Variants in PARVA observed in about 807,000 individuals in gnomAD.
PARVA encodes parvin alpha, also known as alpha-parvin.
Under a neutral mutation model 52.6 loss-of-function variants are expected in PARVA, and 25 were observed. The ratio of observed to expected loss-of-function variants is 0.48; its 90% CI spans 0.35 to 0.66. The LOEUF (loss-of-function observed/expected upper bound fraction) is 0.66, where lower values mean the gene tolerates loss of function less well. Ranked by LOEUF, PARVA falls within the 30% of genes least tolerant of loss-of-function variation. The pLI, the probability that PARVA is intolerant of heterozygous loss-of-function variation, is 0.01. For synonymous variants in PARVA, 185 were observed against 179.1 expected, an observed-to-expected ratio of 1.03 and a Z score of -0.26; for missense variants, 373 against 450.9, an observed-to-expected ratio of 0.83 and a Z score of 1.56.
chr11:12,433,446 AC>A (rs1241299475), intron 1 of PARVA, among the ~76,000 whole-genome samples: 2 of 152,054 alleles, frequency 1.3e-5, no homozygotes, highest in African/African-American at 4.8e-5. Context: ...GAAGGAAGCA[AC>A]CCCAGCACTT....
chr11:12,434,100 AG>A (rs1393173746), intron 1 of PARVA, among the ~76,000 whole-genome samples: 1 of 152,192 alleles, frequency 6.6e-6, no homozygotes. Context: ...CATAAATCCA[AG>A]GTTGGCCTTA....
At chr11:12,435,784 G>GTTT (rs146675862) in intron 1 of PARVA, among the ~76,000 whole-genome samples, 1,521 of 152,014 alleles carry the variant, frequency 0.01, 16 homozygotes, top group African/African-American at 0.027. Flanking sequence ...CTATATCTCT[G>GTTT]TTTTTTTGTT....
Position 12,394,780 on chromosome 11 carries a change from C to T in PARVA, c.136+16997C>T, listed in dbSNP as rs570988986. On this transcript the variant is annotated intron_variant, in intron 1 of 12. Coordinates refer to ENST00000334956, the MANE Select transcript of PARVA (RefSeq NM_018222.5). ...CACTCAAGTCCTGCAGTCAGCTCTACGGAATCCACCTATATGAAAAGGCCC... is the reference window on the plus strand; with the variant it reads ...CACTCAAGTCCTGCAGTCAGCTCTATGGAATCCACCTATATGAAAAGGCCC... Among the ~76,000 whole-genome samples the T allele has an allele frequency of 1.2e-3, 189 of 152,256 alleles. 1 individual carries two copies. Among genetic ancestry groups the T allele is most frequent in the African/African-American group, 4.0e-3 (165 of 41,530 alleles).
chr11:12,381,619 A>G lies in PARVA; in HGVS notation c.136+3836A>G, dbSNP rs1442718075. Among the ~76,000 whole-genome samples, 3 of 152,250 alleles carry G rather than the reference A, an allele frequency of 2.0e-5. 1 individual carries two copies. The highest frequency in any genetic ancestry group is 4.4e-5 in the Non-Finnish European group (3 of 68,040). The stretch of plus-strand genomic sequence containing the variant: ...CCACAAACTTAACTGCTAATAGCCT[A>G]CCGTTGACCAGAAGCCTTACTGATA... On this transcript the variant is annotated intron_variant, in intron 1 of 12. Coordinates refer to ENST00000334956, the MANE Select transcript of PARVA (RefSeq NM_018222.5).
At chr11:12,426,883 A>C (rs1940242835) in intron 1 of PARVA, among the ~76,000 whole-genome samples, 1 of 152,208 alleles carries the variant, frequency 6.6e-6, no homozygotes, top group Admixed American at 6.5e-5. Flanking sequence ...CAGGGGTTGC[A>C]GTGTGACTGG....
intron 3 of PARVA, among the ~76,000 whole-genome samples, chr11:12,475,692 T>C (rs1941002415): frequency 6.6e-6 from 1 of 152,122 alleles, no homozygotes; most frequent in Non-Finnish European, 1.5e-5. Flanking sequence ...GTCCCTTCTG[T>C]CTGCTGAAGG....
chr11:12,444,734 G>T (rs1051065739), intron 1 of PARVA, among the ~76,000 whole-genome samples: 7 of 152,168 alleles, frequency 4.6e-5, no homozygotes, highest in Admixed American at 1.3e-4. Flanking sequence ...TATTCTGGTT[G>T]CCCCTGAAGG....
intron 1 of PARVA, among the ~76,000 whole-genome samples, chr11:12,400,461 T>A (rs1292209252): frequency 6.6e-6 from 1 of 152,230 alleles, no homozygotes; most frequent in African/African-American, 2.4e-5. Context: ...CATATGGACA[T>A]ACCTTATCTC....
rs1344985448 is a variant in PARVA, at chr11:12,507,773, A to ACATCAGGGATAC, written c.658-811_658-810insCATCAGGGATAC. Among the ~76,000 whole-genome samples the ACATCAGGGATAC allele has an allele frequency of 5.3e-5, 8 of 152,132 alleles. 1 individual carries two copies. In the East Asian group the frequency reaches 7.7e-4, roughly 15 times the overall value. ...CTAATATGCTGGGACATCAGGGATA[A>ACATCAGGGATAC]ACCAGGACTGTTTTGGGGAAACCAT... On this transcript the variant is annotated intron_variant, in intron 6 of 12. Transcript: ENST00000334956.
At position 12,529,856 on chromosome 11, in the gene PARVA, T is replaced by C. The variant is rs1941750044; in HGVS notation, c.*1931T>C. On this transcript the variant is annotated 3_prime_UTR_variant, in exon 13 of 13. Transcript: ENST00000334956. ...ATCTATGTAAAAGAATACAATTCTTTTTTACATAATTAGTGAAATTTTATT... is the reference window on the plus strand; with the variant it reads ...ATCTATGTAAAAGAATACAATTCTTCTTTACATAATTAGTGAAATTTTATT... 1 of 152,222 alleles carries C rather than the reference T, an allele frequency of 6.6e-6. No individual in the cohort carries two copies. The highest frequency in any genetic ancestry group is 2.4e-5 in the African/African-American group (1 of 41,450). 9.4% of individuals were successfully genotyped at this position (152,222 alleles called of 1,614,324 possible). A position where few individuals can be genotyped will look rare whatever the true frequency, so the allele number is the denominator to read the frequency against.
intron 1 of PARVA, among the ~76,000 whole-genome samples, chr11:12,406,248 A>G (rs1338803333): frequency 6.6e-6 from 1 of 152,240 alleles, no homozygotes; most frequent in Non-Finnish European, 1.5e-5. Flanking sequence ...TTGTTTTACG[A>G]TAGAATTCCA....
intron 5 of PARVA, among the ~76,000 whole-genome samples, chr11:12,500,175 C>T (rs1035006438): frequency 2.0e-5 from 3 of 152,178 alleles, no homozygotes; most frequent in East Asian, 3.8e-4. Context: ...GTTTCCACCA[C>T]AGGACGTGTT....
chr11:12,504,774 G>GT (rs1941413270), intron 6 of PARVA, among the ~76,000 whole-genome samples: 1 of 149,240 alleles, frequency 6.7e-6, no homozygotes, highest in African/African-American at 2.5e-5. Flanking sequence ...AAGGTATGTG[G>GT]GTGTGTGTGT....
intron 1 of PARVA, among the ~76,000 whole-genome samples, chr11:12,400,503 C>G (rs1009595241): frequency 6.6e-6 from 1 of 152,158 alleles, no homozygotes; most frequent in Non-Finnish European, 1.5e-5. Context: ...TTTCTCTGCT[C>G]TTGGAATTGG....
intron 1 of PARVA, among the ~76,000 whole-genome samples, chr11:12,449,280 C>T (rs144254365): frequency 6.8e-4 from 103 of 152,150 alleles, no homozygotes; most frequent in African/African-American, 2.3e-3. Flanking sequence ...CAGCCTCCCT[C>T]CACGGTAGCT....
intron 1 of PARVA, among the ~76,000 whole-genome samples, chr11:12,416,511 C>G (rs946622150): frequency 1.3e-5 from 2 of 152,104 alleles, no homozygotes; most frequent in Non-Finnish European, 2.9e-5. Context: ...ATACCAAAAC[C>G]TGAAGATTTC....
intron 4 of PARVA, chr11:12,479,952 G>A (rs4539310): frequency 0.34 from 51,153 of 151,948 alleles, 8,710 homozygotes; most frequent in South Asian, 0.39. Context: ...GGCTGGGCGC[G>A]GTGGCTCATG....
At chr11:12,400,631 AATT>A (rs1327912319) in intron 1 of PARVA, among the ~76,000 whole-genome samples, 1 of 152,138 alleles carries the variant, frequency 6.6e-6, no homozygotes, top group East Asian at 1.9e-4. Context: ...GAGTATTTCC[AATT>A]ATTTCTTCAG....
chr11:12,490,215 CAAAA>C (rs34941352), intron 4 of PARVA, among the ~76,000 whole-genome samples: 4 of 107,688 alleles, frequency 3.7e-5, no homozygotes, highest in Non-Finnish European at 5.5e-5. Context: ...GACTCAGTCT[CAAAA>C]AAAAAAAAAA....
Sources: gnomAD v4.1 joint callset for allele counts (sites outside exome capture counted in the v4.1 genomes callset) on GRCh38, gnomAD v4.1.1 for gene constraint, MANE v1.5 for transcripts, NCBI Gene and HGNC (gene_info 2026-07-23, HGNC 2026-07-21) for gene names.